Variants in PCDH15 observed in about 807,000 individuals in gnomAD.
PCDH15 encodes the protein protocadherin-15.
PCDH15 carries 129 observed loss-of-function variants against 178.5 expected under a neutral mutation model. The observed-to-expected ratio is 0.72, with a 90% CI of 0.63 to 0.84. The LOEUF is 0.84. PCDH15 is among the 40% of genes least tolerant of loss of function. PCDH15 has a pLI of 0.00. For synonymous variants in PCDH15, 800 were observed against 732.0 expected (o/e 1.09, Z -1.50); for missense variants, 2,230 against 2,099.9 (o/e 1.06, Z -1.21).
intron 3 of PCDH15, among the ~76,000 whole-genome samples, chr10:54,407,048 T>G (rs1565193698): frequency 6.6e-6 from 1 of 152,142 alleles, no homozygotes; most frequent in Non-Finnish European, 1.5e-5. Context: ...AGGACAAATT[T>G]TAAAGTGGAC....
At chr10:55,406,566 A>T (rs1838202019) in intron 2 of PCDH15, among the ~76,000 whole-genome samples, 1 of 152,182 alleles carries the variant, frequency 6.6e-6, no homozygotes, top group Non-Finnish European at 1.5e-5. Context: ...TGAGGTGGAG[A>T]CAATAGCAGA....
At chr10:55,311,612 T>C (rs1369320600) in intron 1 of PCDH15, among the ~76,000 whole-genome samples, 1 of 152,192 alleles carries the variant, frequency 6.6e-6, no homozygotes, top group African/African-American at 2.4e-5. Flanking sequence ...GAAATAGACC[T>C]TTTGGAAAAA....
intron 2 of PCDH15, among the ~76,000 whole-genome samples, chr10:54,659,240 A>G (rs1343209815): frequency 6.6e-6 from 1 of 152,060 alleles, no homozygotes; most frequent in East Asian, 1.9e-4. Context: ...AAAACCAACA[A>G]AGTAACTCCA....
At chr10:54,682,358 C>T (rs367873405) in intron 1 of PCDH15, among the ~76,000 whole-genome samples, 1 of 152,042 alleles carries the variant, frequency 6.6e-6, no homozygotes, top group African/African-American at 2.4e-5. Flanking sequence ...TTGTATTCAC[C>T]ACCACTTTAG....
At chr10:54,408,034 G>A (rs1396629720) in intron 3 of PCDH15, among the ~76,000 whole-genome samples, 3 of 113,818 alleles carry the variant, frequency 2.6e-5, no homozygotes, top group Non-Finnish European at 3.5e-5. Context: ...CAGCCTGGGT[G>A]ACAGAATGAG....
At chr10:53,829,607 A>G (rs1375771076) in intron 30 of PCDH15, among the ~76,000 whole-genome samples, 1 of 152,206 alleles carries the variant, frequency 6.6e-6, no homozygotes, top group East Asian at 1.9e-4. Flanking sequence ...TAGATTTAGC[A>G]TATCAATTGA....
chr10:54,240,859 T>C (rs1480618346), intron 8 of PCDH15, among the ~76,000 whole-genome samples: 10 of 152,024 alleles, frequency 6.6e-5, no homozygotes, highest in East Asian at 1.9e-4. Context: ...TCTGGATCTC[T>C]TGACCTCGTG....
In PCDH15 at chr10:53,806,543, A is replaced by C. The variant is rs1182298508; in HGVS notation, c.*36T>G. ...AAAAGCACAGTTTATTAAAAATGTAAGTAAAAATTAATTAAAATATCTTTT... is the reference window on the plus strand; with the variant it reads ...AAAAGCACAGTTTATTAAAAATGTACGTAAAAATTAATTAAAATATCTTTT... On this transcript the variant is annotated 3_prime_UTR_variant, in exon 38 of 38. Transcript: ENST00000644397. 2 of 1,459,258 alleles carry C rather than the reference A, an allele frequency of 1.4e-6. No homozygotes were observed. Among genetic ancestry groups the C allele is most frequent in the African/African-American group, 1.4e-5 (1 of 69,770 alleles). The allele number at this position is 1,459,258 out of a possible 1,614,324, so 90.4% of individuals were successfully genotyped here. A position where few individuals can be genotyped will look rare whatever the true frequency, so the allele number is the denominator to read the frequency against.
At chr10:55,034,438 T>C (rs1840687591) in intron 2 of PCDH15, among the ~76,000 whole-genome samples, 1 of 152,144 alleles carries the variant, frequency 6.6e-6, no homozygotes, top group Middle Eastern at 3.2e-3. Flanking sequence ...TTGAGACAAA[T>C]ATATAAATCT....
At chr10:54,957,201 G>T (rs1168753231) in intron 2 of PCDH15, among the ~76,000 whole-genome samples, 1 of 151,476 alleles carries the variant, frequency 6.6e-6, no homozygotes, top group East Asian at 1.9e-4. Flanking sequence ...TCAAACTAAA[G>T]TATATGAATT....
chr10:54,995,268 C>T (rs1352534076), intron 2 of PCDH15, among the ~76,000 whole-genome samples: 1 of 151,348 alleles, frequency 6.6e-6, no homozygotes, highest in Non-Finnish European at 1.5e-5. Context: ...CCCAACTACT[C>T]GGGAGGCTGA....
chr10:54,081,752 A>G (rs2094440016), intron 16 of PCDH15, among the ~76,000 whole-genome samples: 1 of 151,830 alleles, frequency 6.6e-6, no homozygotes, highest in African/African-American at 2.4e-5. Flanking sequence ...TTAAAAATAC[A>G]TAAGCTTCTT....
At chr10:55,594,136 A>G (rs749414550) in intron 2 of PCDH15, among the ~76,000 whole-genome samples, 1 of 151,924 alleles carries the variant, frequency 6.6e-6, no homozygotes, top group Non-Finnish European at 1.5e-5. Context: ...AAGTACAAAT[A>G]ATAATGAGCA....
chr10:54,201,685 A>G (rs569883452), intron 10 of PCDH15, among the ~76,000 whole-genome samples: 2 of 152,094 alleles, frequency 1.3e-5, no homozygotes, highest in Non-Finnish European at 2.9e-5. Context: ...ATATTTTTTT[A>G]AAAATTAAGT....
intron 3 of PCDH15, among the ~76,000 whole-genome samples, chr10:54,482,243 A>G (rs937687488): frequency 1.3e-4 from 19 of 151,864 alleles, no homozygotes; most frequent in African/African-American, 4.6e-4. Context: ...TTTTGAAATT[A>G]AAATATCGAT....
At chr10:55,074,448 T>G (rs2132017571) in intron 2 of PCDH15, among the ~76,000 whole-genome samples, 1 of 152,302 alleles carries the variant, frequency 6.6e-6, no homozygotes, top group African/African-American at 2.4e-5. Context: ...TTGATTTGCA[T>G]TTCTCTAATG....
At chr10:54,331,460 C>G (rs1374674192) in intron 6 of PCDH15, among the ~76,000 whole-genome samples, 1 of 151,838 alleles carries the variant, frequency 6.6e-6, no homozygotes, top group African/African-American at 2.4e-5. Context: ...TGAAAATGAA[C>G]AACACAATTA....
intron 2 of PCDH15, among the ~76,000 whole-genome samples, chr10:55,386,431 AAT>A (rs1837661495): frequency 6.6e-6 from 1 of 152,092 alleles, no homozygotes; most frequent in Non-Finnish European, 1.5e-5. Context: ...CACAAAAAAA[AAT>A]GAAGCTACTT....
chr10:55,213,398 T>C (rs1414315639), intron 1 of PCDH15, among the ~76,000 whole-genome samples: 1 of 152,084 alleles, frequency 6.6e-6, no homozygotes, highest in Non-Finnish European at 1.5e-5. Context: ...TCCTTGAGTG[T>C]TTGGTAGAAC....
Sources: allele counts gnomAD v4.1 joint callset (sites outside exome capture counted in the v4.1 genomes callset), GRCh38; gene constraint gnomAD v4.1.1; transcripts MANE v1.5; gene names NCBI Gene and HGNC (gene_info 2026-07-23, HGNC 2026-07-21).